Variants in TACR3 observed in about 807,000 individuals in gnomAD.
The protein encoded by TACR3 is neuromedin-K receptor.
TACR3 carries 34 observed loss-of-function variants against 35.0 expected under a neutral mutation model. That is an observed-to-expected ratio of 0.97 (90% CI 0.74 to 1.30). The LOEUF (loss-of-function observed/expected upper bound fraction) is 1.30, where lower values mean the gene tolerates loss of function less well. TACR3 is among the 50% of genes most tolerant of loss of function. The probability of loss-of-function intolerance (pLI) is 0.00; values close to 1 mark genes in which losing one functional copy is unlikely to be tolerated. For synonymous variants in TACR3, 233 were observed against 221.1 expected (o/e 1.05, Z -0.48); for missense variants, 558 against 591.7 (o/e 0.94, Z 0.59).
chr4:103,601,430 G>T (rs1478175244), intron 3 of TACR3, among the ~76,000 whole-genome samples: 2 of 152,138 alleles, frequency 1.3e-5, no homozygotes, highest in African/African-American at 4.8e-5. Context: ...CTGTCATTAT[G>T]ATGTTAGCTG....
At chr4:103,696,026 T>C (rs893608870) in intron 1 of TACR3, among the ~76,000 whole-genome samples, 7 of 152,130 alleles carry the variant, frequency 4.6e-5, no homozygotes, top group African/African-American at 1.7e-4. Flanking sequence ...GAAACCTATA[T>C]AATTGTATCT....
chr4:103,631,181 G>T (rs1237047633), intron 3 of TACR3, among the ~76,000 whole-genome samples: 3 of 152,114 alleles, frequency 2.0e-5, no homozygotes, highest in Admixed American at 6.6e-5. Flanking sequence ...CTGTCGGGGT[G>T]TGGGTGGCTG....
At chr4:103,654,930 G>A (rs1419795700) in intron 3 of TACR3, among the ~76,000 whole-genome samples, 1 of 152,128 alleles carries the variant, frequency 6.6e-6, no homozygotes, top group African/African-American at 2.4e-5. Flanking sequence ...AGAGGGCCAT[G>A]TTTTTGAAGC....
intron 1 of TACR3, among the ~76,000 whole-genome samples, chr4:103,673,183 G>A (rs1726089497): frequency 6.6e-6 from 1 of 152,140 alleles, no homozygotes; most frequent in Non-Finnish European, 1.5e-5. Flanking sequence ...ACCATTTGGT[G>A]TTCACTGGAG....
At chr4:103,613,092 G>A (rs928840687) in intron 3 of TACR3, among the ~76,000 whole-genome samples, 1 of 152,066 alleles carries the variant, frequency 6.6e-6, no homozygotes, top group Non-Finnish European at 1.5e-5. Context: ...GTTTTGTAAT[G>A]TGCAAAAATG....
chr4:103,598,414 T>C (rs1228224873), intron 3 of TACR3, among the ~76,000 whole-genome samples: 1 of 152,240 alleles, frequency 6.6e-6, no homozygotes, highest in Non-Finnish European at 1.5e-5. Flanking sequence ...GCCTGTTCAC[T>C]CTGATGGTAG....
rs2110235989 is a variant in TACR3 at position 103,719,196 on chromosome 4, G to A, written c.480C>T (p.Phe160=). ...CAGCTGTGATAGGAAAGAAGTTCTG[G>A]AAGCGGCAGTAGTTGGCGCCAAAGT... The part of the protein sequence containing the change: ...EWYFGANYCR[F]QNFFPITAVF... The change falls in exon 1 of 5, where the codon TTC becomes TTT. Residue 160 remains phenylalanine, a synonymous_variant. Coordinates refer to ENST00000304883, the MANE Select transcript of TACR3 (RefSeq NM_001059.3). The A allele has an allele frequency of 6.2e-7, 1 of 1,614,188 alleles. No homozygotes were observed. The highest frequency in any genetic ancestry group is 8.5e-7 in the Non-Finnish European group (1 of 1,180,034).
chr4:103,715,588 G>A (rs1055210243), intron 1 of TACR3, among the ~76,000 whole-genome samples: 8 of 151,944 alleles, frequency 5.3e-5, no homozygotes, highest in Admixed American at 2.0e-4. Context: ...CTCCCTTAAG[G>A]TTTACAAGAA....
intron 3 of TACR3, among the ~76,000 whole-genome samples, chr4:103,650,539 A>AATATTTATTATTTATATATATT (rs1560821820): frequency 1.1e-5 from 1 of 88,396 alleles, no homozygotes; most frequent in African/African-American, 6.2e-5. Context: ...TTATATATAA[A>AATATTTATTATTTATATATATT]TATATAAAAT....
intron 3 of TACR3, among the ~76,000 whole-genome samples, chr4:103,648,746 A>T (rs1378004965): frequency 6.6e-6 from 1 of 152,176 alleles, no homozygotes; most frequent in Non-Finnish European, 1.5e-5. Flanking sequence ...TGCAATAAAC[A>T]TGGGAATGGA....
chr4:103,712,691 C>T (rs372887386), intron 1 of TACR3, among the ~76,000 whole-genome samples: 2 of 151,968 alleles, frequency 1.3e-5, no homozygotes, highest in East Asian at 1.9e-4. Context: ...ACAGGCAACC[C>T]ACAGAATGGG....
At chr4:103,606,291 T>C (rs1221265391) in intron 3 of TACR3, among the ~76,000 whole-genome samples, 2 of 152,088 alleles carry the variant, frequency 1.3e-5, no homozygotes, top group East Asian at 3.9e-4. Context: ...TGGCTTAGGA[T>C]TGACTTGGCG....
chr4:103,637,894 C>G (rs1474693055), intron 3 of TACR3, among the ~76,000 whole-genome samples: 1 of 151,998 alleles, frequency 6.6e-6, no homozygotes, highest in Admixed American at 6.6e-5. Flanking sequence ...ATGTGAAGGA[C>G]CTCTTCAAGG....
In TACR3 at chr4:103,589,216, T is replaced by C. The variant is rs1216428181; in HGVS notation, c.*466A>G. 1 of 154,168 alleles carries C rather than the reference T, an allele frequency of 6.5e-6. No individual in the cohort carries two copies. Among genetic ancestry groups the C allele is most frequent in the Non-Finnish European group, 1.4e-5 (1 of 69,300 alleles). 9.6% of individuals were successfully genotyped at this position (154,168 alleles called of 1,614,324 possible). ...ATTACTCTAGTGGGAAAATGAATCA[T>C]TTAACTTTTTTTCCCATTTTATATC... On this transcript the variant is annotated 3_prime_UTR_variant, in exon 5 of 5. Transcript: ENST00000304883.
At chr4:103,647,052 A>G (rs1470197780) in intron 3 of TACR3, among the ~76,000 whole-genome samples, 2 of 151,924 alleles carry the variant, frequency 1.3e-5, no homozygotes, top group African/African-American at 4.8e-5. Flanking sequence ...GGAGCAAGGC[A>G]AGGGATTCAT....
intron 3 of TACR3, among the ~76,000 whole-genome samples, chr4:103,612,650 A>G (rs1724537243): frequency 6.6e-6 from 1 of 152,146 alleles, no homozygotes; most frequent in Non-Finnish European, 1.5e-5. Flanking sequence ...CTGGGACTAC[A>G]GGTGTGCACC....
chr4:103,682,036 T>C lies in TACR3; in HGVS notation c.549-23633A>G, dbSNP rs551944648. Among the ~76,000 whole-genome samples the C allele has an allele frequency of 2.6e-5, 4 of 152,320 alleles. No homozygotes were observed. In the South Asian group the frequency reaches 8.3e-4, roughly 32 times the overall value. The stretch of plus-strand genomic sequence containing the variant: ...TTTATTAGTTTTATTTGGTGTGTAA[T>C]AACTTGTCATCAACTTAGTAGCTTA... On this transcript the variant is annotated intron_variant, in intron 1 of 4. Coordinates refer to ENST00000304883, the MANE Select transcript of TACR3 (RefSeq NM_001059.3).
intron 3 of TACR3, among the ~76,000 whole-genome samples, chr4:103,650,138 G>A (rs1725556515): frequency 6.6e-6 from 1 of 151,964 alleles, no homozygotes; most frequent in South Asian, 2.1e-4. Context: ...GGAATTCTCT[G>A]GATTTCCAGA....
At chr4:103,597,716 C>A (rs1369596443) in intron 3 of TACR3, among the ~76,000 whole-genome samples, 1 of 149,520 alleles carries the variant, frequency 6.7e-6, no homozygotes, top group Non-Finnish European at 1.5e-5. Flanking sequence ...GGTTTTTTGT[C>A]CTTGTAATAG....
Sources: allele counts gnomAD v4.1 joint callset (sites outside exome capture counted in the v4.1 genomes callset), GRCh38; gene constraint gnomAD v4.1.1; transcripts MANE v1.5; gene names NCBI Gene and HGNC (gene_info 2026-07-23, HGNC 2026-07-21).